Variants in TARS1 observed in about 807,000 individuals in gnomAD.
TARS1 encodes threonyl-tRNA synthetase 1.
In TARS1, 57 loss-of-function variants were observed where a neutral mutation model predicts 97.7. The observed-to-expected ratio is 0.58, with a 90% CI of 0.47 to 0.73. The LOEUF is 0.73. Among genes scored for constraint, TARS1 ranks in the 30% least tolerant of loss-of-function variants. TARS1 has a pLI of 0.00. For synonymous variants in TARS1, 312 were observed against 293.7 expected, an observed-to-expected ratio of 1.06 and a Z score of -0.64; for missense variants, 806 against 888.3, an observed-to-expected ratio of 0.91 and a Z score of 1.18.
chr5:33,447,376 A>G (rs1445030526), intron 2 of TARS1, among the ~76,000 whole-genome samples: 1 of 152,072 alleles, frequency 6.6e-6, no homozygotes, highest in Non-Finnish European at 1.5e-5. Flanking sequence ...CCCCACAAGT[A>G]GCTGGGACTA....
At chr5:33,458,483 C>G in intron 9 of TARS1, 83 bp from the exon 10 acceptor site, 1 of 1,182,182 alleles carries the variant, frequency 8.5e-7, no homozygotes. Context: ...ATATTCTGAG[C>G]TCAAGAACAC....
chr5:33,453,403 A>G lies in TARS1; in HGVS notation c.444A>G (p.Glu148=). The part of the protein sequence containing the change: ...TLELLKFEDE[E]AQAVYWHSSA... ...AGCTTCTCAAGTTTGAGGATGAGGA[A>G]GCTCAGGCAGTAAGTTGCTGATTAG... The change falls in exon 4 of 19, where the codon GAA becomes GAG. Residue 148 remains glutamate, a synonymous_variant. Transcript: ENST00000265112. 6.2e-7 allele frequency: 1 copy of G among 1,613,428 alleles called. No homozygotes were observed. The highest frequency in any genetic ancestry group is 8.5e-7 in the Non-Finnish European group (1 of 1,179,844).
Position 33,461,269 on chromosome 5 carries a change from A to C in TARS1, c.1525A>C (p.Ile509Leu), listed in dbSNP as rs199696171. ...TCGCCCGGAAAAATTCCTTGGAGAT[A>C]TCGAAGTATGGGATCAAGCTGAGAA... ...STRPEKFLGDIEVWDQAEKQL... is the reference protein window; with the variant it reads ...STRPEKFLGDLEVWDQAEKQL... Residue 509 changes from isoleucine to leucine, a missense_variant, in exon 13 of 19, where the codon ATC becomes CTC. Physicochemically the swap from Ile to Leu is conservative, Grantham distance 5. This residue lies in a region of TARS1 where 446 missense variants were observed against 511.0 expected (regional missense o/e 0.87). Transcript: ENST00000265112. 6.2e-7 allele frequency: 1 copy of C among 1,613,212 alleles called. No individual in the cohort carries two copies. The highest frequency in any genetic ancestry group is 2.2e-5 in the East Asian group (1 of 44,866).
At position 33,455,723 on chromosome 5, in the gene TARS1, C is replaced by A; in HGVS notation, c.693+19C>A. On this transcript the variant is annotated intron_variant, in intron 6 of 18. Coordinates refer to ENST00000265112, the MANE Select transcript of TARS1 (RefSeq NM_152295.5). ...GTTTAAGGTAAATTGAACCATAGTG[C>A]GTGGCCCCCACTGTTAATATCATTT... The A allele has an allele frequency of 1.3e-6, 2 of 1,493,838 alleles. No homozygotes were observed. The highest frequency in any genetic ancestry group is 1.9e-6 in the Non-Finnish European group (2 of 1,073,602). The allele number at this position is 1,493,838 out of a possible 1,614,324, so 92.5% of individuals were successfully genotyped here. A position where few individuals can be genotyped will look rare whatever the true frequency, so the allele number is the denominator to read the frequency against.
intron 1 of TARS1, chr5:33,441,700 G>A (rs549230386): frequency 1.0e-5 from 1 of 99,722 alleles, no homozygotes; most frequent in Admixed American, 8.5e-5. Context: ...CCCCGACTTT[G>A]AGGGCCTCAC....
At position 33,466,979 on chromosome 5, in the gene TARS1, AT is replaced by A; in HGVS notation, c.2021del (p.Leu674Ter). ...RNAQLAQYNF[I>X]LVVGEKEKIS... ...TGCACAGTTAGCACAGTATAACTTCATTTTAGGTAAGAATGGAAACTTACCA... is the reference window on the plus strand; with the variant it reads ...TGCACAGTTAGCACAGTATAACTTCATTTAGGTAAGAATGGAAACTTACCA... On this transcript the variant is annotated frameshift_variant, in exon 18 of 19. Transcript: ENST00000265112. LOFTEE classifies it low-confidence loss of function (END_TRUNC). 1 of 1,552,864 alleles carries A rather than the reference AT, an allele frequency of 6.4e-7. No homozygotes were observed. Among genetic ancestry groups the A allele is most frequent in the Non-Finnish European group, 8.7e-7 (1 of 1,149,432 alleles).
In TARS1 at chr5:33,467,691, G is replaced by T. The variant is rs770519358; in HGVS notation, c.2155G>T (p.Ala719Ser). The T allele has an allele frequency of 6.2e-7, 1 of 1,609,848 alleles. No homozygotes were observed. Among genetic ancestry groups the T allele is most frequent in the Non-Finnish European group, 8.5e-7 (1 of 1,178,876 alleles). Residue 719 changes from alanine (A) to serine (S), a missense_variant, in exon 19 of 19, where the codon GCA becomes TCA. Physicochemically the swap from Ala to Ser is moderately conservative, Grantham distance 99 (BLOSUM62 1). Coordinates refer to ENST00000265112, the MANE Select transcript of TARS1 (RefSeq NM_152295.5). Reference protein sequence around the residue: ...QQLKEFRSKQAEEEF With the variant: ...QQLKEFRSKQSEEEF ...GCTCAAAGAGTTCCGCAGCAAACAGGCAGAAGAAGAATTTTAATGAAAAAA... is the reference window on the plus strand; with the variant it reads ...GCTCAAAGAGTTCCGCAGCAAACAGTCAGAAGAAGAATTTTAATGAAAAAA...
chr5:33,441,182 C>T (rs1741071054), intron 1 of TARS1, 39 bp downstream of exon 1: 1 of 1,612,010 alleles, frequency 6.2e-7, no homozygotes, highest in Non-Finnish European at 8.5e-7. Flanking sequence ...CAGCCTGGGA[C>T]TCTAGTGGGT....
chr5:33,457,536 G>A (rs1174592626), intron 9 of TARS1, 133 bp downstream of exon 9: 4 of 939,500 alleles, frequency 4.3e-6, no homozygotes, highest in Non-Finnish European at 6.4e-6. Context: ...CTGGTGCTAT[G>A]TCCTGTACAA....
At chr5:33,442,599 G>A (rs948195942) in intron 1 of TARS1, among the ~76,000 whole-genome samples, 13 of 151,950 alleles carry the variant, frequency 8.6e-5, no homozygotes, top group African/African-American at 2.9e-4. Flanking sequence ...GCCGTGGTGC[G>A]ATCTCGGCTC....
chr5:33,445,236 TA>T, intron 1 of TARS1, 87 bp from the exon 2 acceptor site: 1 of 990,956 alleles, frequency 1.0e-6, no homozygotes, highest in Non-Finnish European at 1.5e-6. Flanking sequence ...TAACAAATAC[TA>T]AAATAACATT....
chr5:33,443,356 T>C (rs964573160), intron 1 of TARS1, among the ~76,000 whole-genome samples: 1 of 145,394 alleles, frequency 6.9e-6, no homozygotes. Context: ...TCTCTCTCTC[T>C]CTCTCACTAC....
intron 11 of TARS1, 159 bp downstream of exon 11, chr5:33,460,020 G>T: frequency 4.3e-5 from 25 of 579,316 alleles, no homozygotes; most frequent in Non-Finnish European, 5.3e-5. Flanking sequence ...CACCTGATTA[G>T]ATCCCCACTT....
chr5:33,460,481 T>G (rs1742237317), intron 11 of TARS1, among the ~76,000 whole-genome samples: 1 of 152,194 alleles, frequency 6.6e-6, no homozygotes, highest in African/African-American at 2.4e-5. Context: ...TTTCTATCTT[T>G]GAAAGTTGGG....
At chr5:33,442,687 G>A (rs1157970342) in intron 1 of TARS1, among the ~76,000 whole-genome samples, 1 of 151,588 alleles carries the variant, frequency 6.6e-6, no homozygotes, top group Non-Finnish European at 1.5e-5. Context: ...TGTATTTTTA[G>A]TAGAGACGGG....
Position 33,448,555 on chromosome 5 carries a change from T to A in TARS1, c.153T>A (p.Pro51=), listed in dbSNP as rs140391402. 4.0e-5 allele frequency: 64 copies of A among 1,587,626 alleles called. No individual in the cohort carries two copies. In the African/African-American group the frequency reaches 8.2e-4, roughly 20 times the overall value. The change falls in exon 3 of 19, where the codon CCT becomes CCA. Residue 51 remains proline, a synonymous_variant. Coordinates refer to ENST00000265112, the MANE Select transcript of TARS1 (RefSeq NM_152295.5). The part of the protein sequence containing the change: ...DGGRAELNPW[P]EYIYTRLEMY... ...TTGTCTTGCAGTTGAATCCTTGGCC[T>A]GAATATATTTACACACGTCTTGAGA...
chr5:33,458,598 C>T lies in TARS1; in HGVS notation c.1017C>T (p.Ser339=), dbSNP rs2111564909. The T allele has an allele frequency of 5.6e-6, 9 of 1,613,568 alleles. No individual in the cohort carries two copies. The African/African-American group carries it at 8.0e-5, about 14-fold the overall frequency. The part of the protein sequence containing the change: ...DQELYFFHEL[S]PGSCFFLPKG... ...AACTATATTTCTTTCATGAACTCAG[C>T]CCTGGAAGTTGCTTTTTTCTGCCAA... The change falls in exon 10 of 19, where the codon AGC becomes AGT. Residue 339 remains serine (S), a synonymous_variant. Coordinates refer to ENST00000265112, the MANE Select transcript of TARS1 (RefSeq NM_152295.5).
intron 17 of TARS1, among the ~76,000 whole-genome samples, 166 bp downstream of exon 17, chr5:33,463,991 T>G (rs192596481): frequency 6.6e-6 from 1 of 152,246 alleles, no homozygotes; most frequent in African/African-American, 2.4e-5. Flanking sequence ...CTTTAATGCT[T>G]TTCTCCATGA....
chr5:33,441,443 G>C lies in TARS1; in HGVS notation c.57+300G>C, dbSNP rs998563064. The C allele has an allele frequency of 1.8e-5, 6 of 336,970 alleles. 1 individual carries two copies. Among genetic ancestry groups the C allele is most frequent in the Middle Eastern group, 1.7e-3 (2 of 1,150 alleles). The allele number at this position is 336,970 out of a possible 1,614,324, so 20.9% of individuals were successfully genotyped here. ...TCTACAGTAGTTAGACGCGGAGACAGAATCAGAATCTTAGGCTTGAGGCTT... is the reference window on the plus strand; with the variant it reads ...TCTACAGTAGTTAGACGCGGAGACACAATCAGAATCTTAGGCTTGAGGCTT... On this transcript the variant is annotated intron_variant, in intron 1 of 18. Coordinates refer to ENST00000265112, the MANE Select transcript of TARS1 (RefSeq NM_152295.5).
Sources: gnomAD v4.1 joint callset for allele counts (sites outside exome capture counted in the v4.1 genomes callset) on GRCh38, gnomAD v4.1.1 for gene constraint, gnomAD v4.1.1 regional missense constraint, MANE v1.5 for transcripts, NCBI Gene and HGNC (gene_info 2026-07-23, HGNC 2026-07-21) for gene names.